The following GPR158 variants were observed in gnomAD, a reference collection of about 807,000 sequenced individuals.
The protein encoded by GPR158 is G protein-coupled receptor 158, also known as metabotropic glycine receptor.
In GPR158, 30 loss-of-function variants were observed where a neutral mutation model predicts 78.2. The observed-to-expected ratio is 0.38, with a 90% confidence interval of 0.29 to 0.52. The LOEUF (loss-of-function observed/expected upper bound fraction) is 0.52. GPR158 is among the 20% of genes least tolerant of loss of function. The pLI, the probability that GPR158 is intolerant of heterozygous loss-of-function variation, is 0.83. For missense variants in GPR158, 1,463 were observed against 1,523.5 expected (o/e 0.96, Z 0.66); for synonymous variants, 581 against 591.1 (o/e 0.98, Z 0.25).
At chr10:25,319,115 C>G (rs1854906781) in intron 2 of GPR158, among the ~76,000 whole-genome samples, 1 of 152,182 alleles carries the variant, frequency 6.6e-6, no homozygotes, top group Admixed American at 6.5e-5. Context: ...TCTTTGTGCA[C>G]CAGGGTCTCT....
chr10:25,475,296 A>G (rs1835567070), intron 5 of GPR158: 1 of 152,196 alleles, frequency 6.6e-6, no homozygotes, highest in South Asian at 2.1e-4. Context: ...TTACCAAAAA[A>G]ATTCCACCCA....
intron 5 of GPR158, among the ~76,000 whole-genome samples, chr10:25,503,875 G>C (rs1178114974): frequency 4.0e-5 from 6 of 148,888 alleles, no homozygotes; most frequent in Admixed American, 2.7e-4. Flanking sequence ...CCTTCATTTG[G>C]TTTCAACTCT....
intron 6 of GPR158, among the ~76,000 whole-genome samples, chr10:25,558,928 A>G (rs115817102): frequency 0.015 from 2,314 of 152,268 alleles, 48 homozygotes; most frequent in African/African-American, 0.053. Context: ...TATCTTGGTA[A>G]ATGTTCCATG....
intron 2 of GPR158, among the ~76,000 whole-genome samples, chr10:25,383,301 A>G (rs1834181503): frequency 6.6e-6 from 1 of 152,164 alleles, no homozygotes; most frequent in Non-Finnish European, 1.5e-5. Context: ...TGGTGTTGCC[A>G]TCTGCTTTTT....
chr10:25,589,234 G>C, intron 8 of GPR158, 89 bp downstream of exon 8: 1 of 842,862 alleles, frequency 1.2e-6, no homozygotes, highest in East Asian at 2.6e-5. Context: ...ATGCATAATA[G>C]AAAGACTTAG....
intron 1 of GPR158, among the ~76,000 whole-genome samples, chr10:25,215,470 A>G (rs992809948): frequency 3.3e-5 from 5 of 152,250 alleles, no homozygotes; most frequent in African/African-American, 4.8e-5. Context: ...TATGAACTCA[A>G]TACTACAAAA....
intron 2 of GPR158, among the ~76,000 whole-genome samples, chr10:25,327,453 C>T (rs772872817): frequency 3.9e-5 from 6 of 152,166 alleles, no homozygotes; most frequent in Admixed American, 1.3e-4. Context: ...CAGCAGCAAA[C>T]GAAACACCTC....
chr10:25,484,503 C>T (rs1835706410), intron 5 of GPR158, among the ~76,000 whole-genome samples: 1 of 152,172 alleles, frequency 6.6e-6, no homozygotes, highest in Admixed American at 6.6e-5. Flanking sequence ...AGACTAAGAA[C>T]ATCATCAGTG....
chr10:25,597,314 C>T (rs1410975641), intron 10 of GPR158, among the ~76,000 whole-genome samples: 5 of 152,214 alleles, frequency 3.3e-5, no homozygotes, highest in South Asian at 2.1e-4. Context: ...CAATACTACT[C>T]AGGGATATGG....
At chr10:25,196,512 G>T (rs1852846812) in intron 1 of GPR158, among the ~76,000 whole-genome samples, 1 of 152,088 alleles carries the variant, frequency 6.6e-6, no homozygotes, top group Admixed American at 6.6e-5. Flanking sequence ...ATCCTTAGTT[G>T]GTCATTATTT....
At chr10:25,462,963 T>C (rs1835375685) in intron 4 of GPR158, among the ~76,000 whole-genome samples, 1 of 152,202 alleles carries the variant, frequency 6.6e-6, no homozygotes, top group Non-Finnish European at 1.5e-5. Context: ...ACTTCAACTG[T>C]AGGTAACATG....
At chr10:25,482,615 T>G (rs967012613) in intron 5 of GPR158, among the ~76,000 whole-genome samples, 1 of 152,040 alleles carries the variant, frequency 6.6e-6, no homozygotes, top group Non-Finnish European at 1.5e-5. Flanking sequence ...AGTTCTTGGG[T>G]CTTTTCTCTT....
intron 8 of GPR158, among the ~76,000 whole-genome samples, chr10:25,589,927 G>C (rs1588926305): frequency 6.6e-6 from 1 of 152,332 alleles, no homozygotes; most frequent in South Asian, 2.1e-4. Context: ...TCAATTGCTT[G>C]ACAGATATGG....
chr10:25,537,891 T>C (rs978732095), intron 5 of GPR158, among the ~76,000 whole-genome samples: 11 of 152,250 alleles, frequency 7.2e-5, no homozygotes, highest in Non-Finnish European at 1.6e-4. Context: ...ATTGTAAGTT[T>C]CCTGAAGCCT....
chr10:25,270,745 C>T (rs1033468029), intron 2 of GPR158, among the ~76,000 whole-genome samples: 3 of 152,168 alleles, frequency 2.0e-5, no homozygotes, highest in African/African-American at 7.2e-5. Context: ...TTATCTCATA[C>T]TATTTTTGTC....
chr10:25,302,787 A>G (rs978775394), intron 2 of GPR158, among the ~76,000 whole-genome samples: 2 of 152,212 alleles, frequency 1.3e-5, no homozygotes, highest in African/African-American at 4.8e-5. Context: ...TGATGAGTGC[A>G]TATCTGAGCT....
rs35942963 is a variant in GPR158 at position 25,397,029 on chromosome 10, A to G, written c.1111+1016A>G. Among the ~76,000 whole-genome samples, 757 of 152,298 alleles carry G rather than the reference A, an allele frequency of 5.0e-3. 4 individuals carry two copies. Among genetic ancestry groups the G allele is most frequent in the Middle Eastern group, 0.048 (14 of 294 alleles). ...GGCTGATTCCTTTTTCAAGGCTACC[A>G]GGAGAATCTCCCTCACCTGCTAAGA... is the stretch of plus-strand genomic sequence containing the variant. On this transcript the variant is annotated intron_variant, in intron 3 of 10. Coordinates refer to ENST00000376351, the MANE Select transcript of GPR158 (RefSeq NM_020752.3).
chr10:25,298,331 C>G (rs1466227702), intron 2 of GPR158, among the ~76,000 whole-genome samples: 1 of 152,118 alleles, frequency 6.6e-6, no homozygotes, highest in Non-Finnish European at 1.5e-5. Context: ...AAATAATTTT[C>G]AAGGCAATCT....
chr10:25,433,835 G>A (rs1459709241), intron 4 of GPR158, among the ~76,000 whole-genome samples: 1 of 151,064 alleles, frequency 6.6e-6, no homozygotes, highest in Non-Finnish European at 1.5e-5. Context: ...AACCTGACTG[G>A]GATCTCTTTC....
Sources: gnomAD v4.1 joint callset for allele counts (sites outside exome capture counted in the v4.1 genomes callset) on GRCh38, gnomAD v4.1.1 for gene constraint, MANE v1.5 for transcripts, NCBI Gene and HGNC (gene_info 2026-07-23, HGNC 2026-07-21) for gene names.